The following EYA2 variants were observed in gnomAD, a reference collection of about 807,000 sequenced individuals.
EYA2 encodes protein phosphatase EYA2.
Under a neutral mutation model 69.2 loss-of-function variants are expected in EYA2, and 31 were observed. The ratio of observed to expected loss-of-function variants is 0.45; its 90% CI spans 0.34 to 0.60. EYA2 has a LOEUF of 0.60. Ranked by LOEUF, EYA2 falls within the 20% of genes least tolerant of loss-of-function variation. EYA2 has a pLI of 0.02. For synonymous variants in EYA2, 257 were observed against 279.4 expected (o/e 0.92, Z 0.80); for missense variants, 622 against 701.2 (o/e 0.89, Z 1.28).
At chr20:47,092,357 G>C (rs929088335) in intron 8 of EYA2, among the ~76,000 whole-genome samples, 1 of 152,120 alleles carries the variant, frequency 6.6e-6, no homozygotes, top group Non-Finnish European at 1.5e-5. Flanking sequence ...TGTTCTTAAA[G>C]CTCCATCCTT....
At chr20:46,940,064 A>G (rs1479479625) in intron 1 of EYA2, among the ~76,000 whole-genome samples, 2 of 152,240 alleles carry the variant, frequency 1.3e-5, no homozygotes, top group Non-Finnish European at 2.9e-5. Context: ...AAGATACACA[A>G]GAAATATAAT....
chr20:46,969,685 C>T (rs555077096), intron 1 of EYA2, among the ~76,000 whole-genome samples: 1 of 152,290 alleles, frequency 6.6e-6, no homozygotes, highest in South Asian at 2.1e-4. Context: ...TCAGGAGCCT[C>T]AAATCTATTT....
At chr20:47,180,500 C>G (rs2034517695) in intron 13 of EYA2, among the ~76,000 whole-genome samples, 1 of 152,228 alleles carries the variant, frequency 6.6e-6, no homozygotes, top group South Asian at 2.1e-4. Flanking sequence ...CCCCACCTCT[C>G]CCTCTTGTCC....
chr20:47,040,810 T>A (rs4810599), intron 5 of EYA2, among the ~76,000 whole-genome samples: 1 of 151,882 alleles, frequency 6.6e-6, no homozygotes, highest in Non-Finnish European at 1.5e-5. Flanking sequence ...TGTCTTGAAC[T>A]GTCCCTAGAA....
intron 4 of EYA2, among the ~76,000 whole-genome samples, chr20:47,005,942 G>A (rs73307603): frequency 0.019 from 2,823 of 152,264 alleles, 81 homozygotes; most frequent in African/African-American, 0.064. Context: ...CTAATCAGCT[G>A]GAGGAAACAG....
At chr20:46,948,004 C>T (rs1258315839) in intron 1 of EYA2, among the ~76,000 whole-genome samples, 1 of 151,594 alleles carries the variant, frequency 6.6e-6, no homozygotes, top group Admixed American at 6.6e-5. Flanking sequence ...GTAGTCCCAG[C>T]CACTCAGGAG....
intron 12 of EYA2, among the ~76,000 whole-genome samples, chr20:47,178,627 T>C (rs1417462215): frequency 6.6e-6 from 1 of 152,118 alleles, no homozygotes; most frequent in Non-Finnish European, 1.5e-5. Flanking sequence ...ATACCCAGGG[T>C]AGCTCTGGAA....
At chr20:46,981,287 G>GT (rs1980818742) in intron 1 of EYA2, among the ~76,000 whole-genome samples, 1 of 152,188 alleles carries the variant, frequency 6.6e-6, no homozygotes, top group Non-Finnish European at 1.5e-5. Flanking sequence ...TTTTGGAAGG[G>GT]TTTTACTAAC....
intron 7 of EYA2, among the ~76,000 whole-genome samples, chr20:47,080,129 A>G (rs1462002700): frequency 6.6e-6 from 1 of 152,184 alleles, no homozygotes; most frequent in African/African-American, 2.4e-5. Context: ...GAATCAAGGC[A>G]TACAAAGCAT....
chr20:46,983,580 C>T lies in EYA2; in HGVS notation c.-10-6421C>T, dbSNP rs187936187. Among the ~76,000 whole-genome samples the T allele has an allele frequency of 9.5e-3, 1,440 of 152,212 alleles. 26 individuals carry two copies. The highest frequency in any genetic ancestry group is 0.033 in the African/African-American group (1,361 of 41,518). ...CTTAATTTCTTGCCTTTATAGCTAC[C>T]CCCTTTTTGCTTGGTTTCTCTGCCT... On this transcript the variant is annotated intron_variant, in intron 1 of 15. Coordinates refer to ENST00000327619, the MANE Select transcript of EYA2 (RefSeq NM_005244.5).
chr20:47,051,253 C>T (rs530154345), intron 5 of EYA2, among the ~76,000 whole-genome samples: 17 of 152,338 alleles, frequency 1.1e-4, no homozygotes, highest in African/African-American at 3.4e-4. Flanking sequence ...CATCGCAGAA[C>T]GCCATCAAAA....
chr20:46,930,013 A>G (rs1395858105), intron 1 of EYA2, among the ~76,000 whole-genome samples: 1 of 152,228 alleles, frequency 6.6e-6, no homozygotes, highest in East Asian at 1.9e-4. Flanking sequence ...TTCTAGGAAA[A>G]TATGTTTCTG....
At chr20:47,183,094 G>A (rs537682393) in intron 14 of EYA2, among the ~76,000 whole-genome samples, 197 bp from the exon 15 acceptor site, 20 of 152,110 alleles carry the variant, frequency 1.3e-4, no homozygotes, top group Non-Finnish European at 2.2e-4. Context: ...ACTGACCCTC[G>A]CTGTGTTTCC....
intron 1 of EYA2, among the ~76,000 whole-genome samples, chr20:46,973,985 C>G (rs1980299552): frequency 6.6e-6 from 1 of 152,102 alleles, no homozygotes; most frequent in African/African-American, 2.4e-5. Flanking sequence ...CTGTCAGTGG[C>G]AGATGGCAGA....
intron 1 of EYA2, among the ~76,000 whole-genome samples, chr20:46,941,477 C>A (rs1219217802): frequency 6.6e-6 from 1 of 152,230 alleles, no homozygotes; most frequent in East Asian, 1.9e-4. Flanking sequence ...ATCCATCTGA[C>A]AGGGTTACTG....
intron 9 of EYA2, among the ~76,000 whole-genome samples, chr20:47,135,102 G>A (rs959646638): frequency 1.4e-5 from 2 of 145,318 alleles, no homozygotes; most frequent in Non-Finnish European, 3.0e-5. Flanking sequence ...ACTCCAGCCT[G>A]GGCGACAGAG....
chr20:47,154,856 TGTG>T (rs1568812919), intron 10 of EYA2, among the ~76,000 whole-genome samples: 66 of 150,654 alleles, frequency 4.4e-4, no homozygotes, highest in Non-Finnish European at 8.1e-4. Flanking sequence ...TGTGTGTGTG[TGTG>T]TTTTGAGATG....
intron 10 of EYA2, 111 bp from the exon 11 acceptor site, chr20:47,169,028 C>G (rs1415667482): frequency 1.1e-6 from 1 of 918,450 alleles, no homozygotes; most frequent in Non-Finnish European, 1.8e-6. Context: ...TGATGACTCC[C>G]AGTGCAGTGC....
chr20:46,994,325 A>G (rs917638132), intron 2 of EYA2, among the ~76,000 whole-genome samples: 1 of 152,228 alleles, frequency 6.6e-6, no homozygotes, highest in African/African-American at 2.4e-5. Flanking sequence ...GATTCAAGGG[A>G]AAAATGGATT....
Sources: allele counts gnomAD v4.1 joint callset (sites outside exome capture counted in the v4.1 genomes callset), GRCh38; gene constraint gnomAD v4.1.1; transcripts MANE v1.5; gene names NCBI Gene and HGNC (gene_info 2026-07-23, HGNC 2026-07-21).